Variants in TSHZ2 observed in about 807,000 individuals in gnomAD.
The protein encoded by TSHZ2 is teashirt homolog 2.
In TSHZ2, 21 loss-of-function variants were observed where a neutral mutation model predicts 74.4. The ratio of observed to expected loss-of-function variants is 0.28; its 90% CI spans 0.20 to 0.41. The LOEUF is 0.41. Ranked by LOEUF, TSHZ2 falls within the 10% of genes least tolerant of loss-of-function variation. TSHZ2 has a pLI of 1.00. For missense variants in TSHZ2, 1,244 were observed against 1,293.5 expected, an observed-to-expected ratio of 0.96 and a Z score of 0.59; for synonymous variants, 540 against 515.3, an observed-to-expected ratio of 1.05 and a Z score of -0.65.
At chr20:53,069,923 G>A (rs1314655194) in intron 1 of TSHZ2, among the ~76,000 whole-genome samples, 1 of 152,114 alleles carries the variant, frequency 6.6e-6, no homozygotes, top group Non-Finnish European at 1.5e-5. Context: ...GGACCACTTA[G>A]GGTCCCGTTC....
chr20:53,447,341 A>T (rs1011134957), intron 2 of TSHZ2, among the ~76,000 whole-genome samples: 3 of 152,202 alleles, frequency 2.0e-5, no homozygotes, highest in African/African-American at 7.2e-5. Flanking sequence ...ATCCCATGGA[A>T]ATGTGTCTGA....
intron 2 of TSHZ2, among the ~76,000 whole-genome samples, chr20:53,469,382 A>G (rs969887904): frequency 3.3e-5 from 5 of 151,636 alleles, no homozygotes; most frequent in Admixed American, 2.0e-4. Context: ...CATCTCTACT[A>G]AAAATACAAA....
chr20:53,366,442 G>A (rs750856239), intron 2 of TSHZ2, among the ~76,000 whole-genome samples: 10 of 152,192 alleles, frequency 6.6e-5, no homozygotes, highest in Non-Finnish European at 1.3e-4. Flanking sequence ...CCTTTTGTGT[G>A]TGCCAATACG....
At chr20:53,162,252 G>C (rs1048711587) in intron 1 of TSHZ2, among the ~76,000 whole-genome samples, 1 of 152,152 alleles carries the variant, frequency 6.6e-6, no homozygotes, top group South Asian at 2.1e-4. Context: ...TTCCTCTAAA[G>C]AACTTCACGG....
At chr20:52,973,639 A>G (rs1600623637) in intron 1 of TSHZ2, among the ~76,000 whole-genome samples, 1 of 152,194 alleles carries the variant, frequency 6.6e-6, no homozygotes, top group Middle Eastern at 3.4e-3. Flanking sequence ...CCAAAGTCGG[A>G]TTGAGGATTT....
chr20:53,090,668 C>A (rs1227976740), intron 1 of TSHZ2, among the ~76,000 whole-genome samples: 1 of 152,164 alleles, frequency 6.6e-6, no homozygotes, highest in Non-Finnish European at 1.5e-5. Flanking sequence ...AGCCCACAAG[C>A]CCAGGTGTGC....
intron 1 of TSHZ2, among the ~76,000 whole-genome samples, chr20:52,994,391 C>CGGATGGATGGATGGATGGATGAGTAGAT (rs1228400169): frequency 2.0e-5 from 3 of 150,558 alleles, no homozygotes; most frequent in Non-Finnish European, 3.0e-5. Flanking sequence ...GATGGATAAA[C>CGGATGGATGGATGGATGGATGAGTAGAT]GGATGGATGG....
At chr20:53,307,629 C>T (rs1187499999) in intron 2 of TSHZ2, among the ~76,000 whole-genome samples, 1 of 152,080 alleles carries the variant, frequency 6.6e-6, no homozygotes, top group East Asian at 1.9e-4. Context: ...TTTTTTCTAA[C>T]TTTTTAAAAA....
intron 1 of TSHZ2, among the ~76,000 whole-genome samples, chr20:53,152,062 T>C (rs1185071369): frequency 6.6e-6 from 1 of 152,224 alleles, no homozygotes; most frequent in East Asian, 1.9e-4. Flanking sequence ...CAAACTCTGA[T>C]TTCTGCCAGA....
intron 2 of TSHZ2, among the ~76,000 whole-genome samples, chr20:53,455,877 A>G (rs1335862897): frequency 6.6e-6 from 1 of 151,886 alleles, no homozygotes. Flanking sequence ...ATGTCCCTAC[A>G]AAGGACATGA....
chr20:53,129,296 A>G (rs1215894429), intron 1 of TSHZ2, among the ~76,000 whole-genome samples: 2 of 152,154 alleles, frequency 1.3e-5, no homozygotes, highest in Admixed American at 6.5e-5. Flanking sequence ...TTGTGGGTAC[A>G]TGGTAGATAT....
chr20:53,433,741 C>A (rs1197418953), intron 2 of TSHZ2, among the ~76,000 whole-genome samples: 1 of 152,136 alleles, frequency 6.6e-6, no homozygotes, highest in Admixed American at 6.5e-5. Context: ...ACCTTTTCTC[C>A]CCAGTCTTTT....
intron 2 of TSHZ2, among the ~76,000 whole-genome samples, chr20:53,389,083 A>C (rs1372978965): frequency 6.6e-6 from 1 of 152,218 alleles, no homozygotes; most frequent in Non-Finnish European, 1.5e-5. Context: ...GCAGGAACAT[A>C]CTGGAATGTG....
intron 2 of TSHZ2, among the ~76,000 whole-genome samples, chr20:53,469,988 T>G (rs961507645): frequency 6.6e-6 from 1 of 152,182 alleles, no homozygotes; most frequent in Non-Finnish European, 1.5e-5. Context: ...TAAAATGTTT[T>G]CATTAACTCA....
intron 1 of TSHZ2, among the ~76,000 whole-genome samples, chr20:53,014,352 C>T (rs147956161): frequency 6.6e-6 from 1 of 152,242 alleles, no homozygotes; most frequent in East Asian, 1.9e-4. Context: ...AGGGTCTGGG[C>T]TTTAACACAG....
intron 2 of TSHZ2, among the ~76,000 whole-genome samples, chr20:53,333,162 G>A (rs772471329): frequency 4.6e-5 from 7 of 152,084 alleles, no homozygotes; most frequent in African/African-American, 7.2e-5. Context: ...CCTATGTTGT[G>A]GATTCTCATT....
At chr20:53,298,288 T>TA (rs1991419819) in intron 2 of TSHZ2, among the ~76,000 whole-genome samples, 1 of 152,168 alleles carries the variant, frequency 6.6e-6, no homozygotes, top group Admixed American at 6.5e-5. Context: ...AACAAACACG[T>TA]AAACAAAAAT....
Position 53,161,130 on chromosome 20 carries a change from C to CAAAAA in TSHZ2, c.41-92350_41-92346dup, listed in dbSNP as rs368626161. 1.8e-4 allele frequency among the ~76,000 whole-genome samples: 12 copies of CAAAAA among 67,956 alleles called. 1 individual carries two copies. Among genetic ancestry groups the CAAAAA allele is most frequent in the Admixed American group, 6.2e-4 (3 of 4,812 alleles). 44.6% of individuals were successfully genotyped at this position (67,956 alleles called of 152,430 possible). Reference sequence around the variant, plus strand: ...AGAAACCAACTCTGGTTATTTTCAGCAAAAAAAAAAAAAAAAAAAAAAATA... The same window carrying CAAAAA: ...AGAAACCAACTCTGGTTATTTTCAGCAAAAAAAAAAAAAAAAAAAAAAAAAAAATA... On this transcript the variant is annotated intron_variant, in intron 1 of 2. Transcript: ENST00000371497.
At position 53,490,802 on chromosome 20, in the gene TSHZ2, G is replaced by A. The variant is rs1203930142; in HGVS notation, c.*3667G>A. ...GTGAGGAGGGGTGTGTGAAGACAGT[G>A]TGCATGCATGAGTGTGTATTCATAT... On this transcript the variant is annotated 3_prime_UTR_variant, in exon 3 of 3. Transcript: ENST00000371497. The A allele has an allele frequency of 6.6e-6, 1 of 152,220 alleles. No individual in the cohort carries two copies. The highest frequency in any genetic ancestry group is 1.5e-5 in the Non-Finnish European group (1 of 68,038). The allele number at this position is 152,220 out of a possible 1,614,324, so 9.4% of individuals were successfully genotyped here. A position where few individuals can be genotyped will look rare whatever the true frequency, so the allele number is the denominator to read the frequency against.
Sources: gnomAD v4.1 joint callset for allele counts (sites outside exome capture counted in the v4.1 genomes callset) on GRCh38, gnomAD v4.1.1 for gene constraint, MANE v1.5 for transcripts, NCBI Gene and HGNC (gene_info 2026-07-23, HGNC 2026-07-21) for gene names.